CDKN2B-AS1: variants seen among roughly 807,000 people sequenced by gnomAD.
CDKN2B-AS1 encodes CDKN2B and CDKN2A antisense cis and trans regulatory RNA 1, also known as CDKN2B antisense RNA 1 (non-protein coding).
chr9:22,107,676 A>G (rs1344349392), intron 4 of CDKN2B-AS1, among the ~76,000 whole-genome samples: 1 of 152,182 alleles, frequency 6.6e-6, no homozygotes, highest in Non-Finnish European at 1.5e-5. Context: ...CAGCACTGCA[A>G]CCATACATAC....
intron 1 of CDKN2B-AS1, among the ~76,000 whole-genome samples, chr9:22,027,918 G>T (rs1344468470): frequency 6.6e-6 from 1 of 152,048 alleles, no homozygotes; most frequent in Non-Finnish European, 1.5e-5. Flanking sequence ...AATAAAAGAG[G>T]CTATGTTTTA....
intron 4 of CDKN2B-AS1, chr9:22,119,410 AT>A (rs1826041925): frequency 6.6e-6 from 1 of 152,150 alleles, no homozygotes; most frequent in African/African-American, 2.4e-5. Context: ...AGCAATGTAT[AT>A]TATGCTGACT....
intron 3 of CDKN2B-AS1, among the ~76,000 whole-genome samples, chr9:22,054,930 T>G (rs1268187214): frequency 6.6e-6 from 1 of 151,844 alleles, no homozygotes; most frequent in Non-Finnish European, 1.5e-5. Flanking sequence ...TTTTGTATTT[T>G]TAGTAGAGAT....
intron 2 of CDKN2B-AS1, among the ~76,000 whole-genome samples, chr9:22,048,530 A>T (rs985327882): frequency 6.6e-6 from 1 of 152,148 alleles, no homozygotes; most frequent in Admixed American, 6.6e-5. Context: ...ATATACGTAC[A>T]TACTTTTCTT....
Position 22,003,887 on chromosome 9 carries a change from TAA to T in CDKN2B-AS1, n.29+8732_29+8733del, listed in dbSNP as rs890483419. 21 of 232,320 alleles carry T rather than the reference TAA, an allele frequency of 9.0e-5. No homozygotes were observed. In the East Asian group the frequency reaches 1.0e-3, roughly 11 times the overall value. The allele number at this position is 232,320 out of a possible 1,614,324, so 14.4% of individuals were successfully genotyped here. On this transcript the variant is annotated intron_variant and non_coding_transcript_variant, in intron 1 of 4. Coordinates refer to ENST00000650946, the Ensembl canonical transcript of CDKN2B-AS1. ...ATCATTGTGTATTTCTGCTTTTTTT[TAA>T]AAAAAGTTATCTTCATGTGTATCAT...
intron 1 of CDKN2B-AS1, among the ~76,000 whole-genome samples, chr9:22,033,408 A>G (rs1041612222): frequency 2.6e-5 from 4 of 152,178 alleles, no homozygotes; most frequent in Admixed American, 2.0e-4. Context: ...TATGCCAGCA[A>G]AATTTAATAA....
chr9:22,092,800 G>A (rs181460896), intron 4 of CDKN2B-AS1, among the ~76,000 whole-genome samples: 303 of 152,098 alleles, frequency 2.0e-3, no homozygotes, highest in Non-Finnish European at 3.7e-3. Flanking sequence ...TTTTTTTGGA[G>A]GGTTTTTTGT....
At chr9:22,081,857 A>G (rs780860346) in intron 4 of CDKN2B-AS1, among the ~76,000 whole-genome samples, 1 of 152,200 alleles carries the variant, frequency 6.6e-6, no homozygotes, top group Non-Finnish European at 1.5e-5. Context: ...AAAGCTGGCT[A>G]TCATCATCAT....
At chr9:22,103,389 A>G (rs1389089000) in intron 4 of CDKN2B-AS1, among the ~76,000 whole-genome samples, 1 of 152,106 alleles carries the variant, frequency 6.6e-6, no homozygotes, top group African/African-American at 2.4e-5. Flanking sequence ...GGCTAACCCA[A>G]AAAGCTTTGC....
At chr9:22,047,332 C>T (rs1823149816) in intron 2 of CDKN2B-AS1, among the ~76,000 whole-genome samples, 1 of 152,104 alleles carries the variant, frequency 6.6e-6, no homozygotes, top group African/African-American at 2.4e-5. Context: ...ATATTTCATC[C>T]TCACAAGTTT....
At chr9:22,096,137 C>G (rs936217379) in intron 4 of CDKN2B-AS1, among the ~76,000 whole-genome samples, 2 of 152,078 alleles carry the variant, frequency 1.3e-5, no homozygotes, top group Non-Finnish European at 2.9e-5. Context: ...GTAAGGCAAA[C>G]AATACAGTGC....
intron 4 of CDKN2B-AS1, among the ~76,000 whole-genome samples, chr9:22,068,359 A>G (rs1014441193): frequency 2.1e-4 from 32 of 152,316 alleles, no homozygotes; most frequent in African/African-American, 7.7e-4. Flanking sequence ...ATGCAAGGGA[A>G]TATAATCTAA....
chr9:22,012,480 A>T (rs1587396678), intron 1 of CDKN2B-AS1: 1 of 687,978 alleles, frequency 1.5e-6, no homozygotes, highest in East Asian at 2.9e-5. Flanking sequence ...TATGCTGTCA[A>T]TTGCCGCAAG....
chr9:22,126,628 A>C (rs1208710054), intron 4 of CDKN2B-AS1, among the ~76,000 whole-genome samples: 9 of 131,100 alleles, frequency 6.9e-5, no homozygotes, highest in African/African-American at 2.7e-4. Context: ...GGCCGACTGC[A>C]GTGGCGCTAT....
chr9:22,069,677 A>T (rs1400269285), intron 4 of CDKN2B-AS1, among the ~76,000 whole-genome samples: 2 of 152,150 alleles, frequency 1.3e-5, no homozygotes, highest in East Asian at 3.9e-4. Flanking sequence ...GAACATTCAA[A>T]AGCCTCTCTT....
intron 3 of CDKN2B-AS1, among the ~76,000 whole-genome samples, chr9:22,051,591 A>T (rs902486253): frequency 6.6e-6 from 1 of 152,128 alleles, no homozygotes; most frequent in African/African-American, 2.4e-5. Flanking sequence ...CCAAATTTGC[A>T]ATTTGGCAGC....
Position 21,995,696 on chromosome 9 carries a change from A to G in CDKN2B-AS1, n.29+535A>G. On this transcript the variant is annotated intron_variant and non_coding_transcript_variant, in intron 1 of 4. Coordinates refer to ENST00000650946, the Ensembl canonical transcript of CDKN2B-AS1. This position sits in a 1 kb window ranked among gnomAD's most constrained non-coding sequence, Gnocchi z 5.7. ...GAAAGGAGGGGTGAGTCGAGGACAC[A>G]GGGGCAGCCGGAGAATGCGGAGGAG... is the stretch of plus-strand genomic sequence containing the variant. The G allele has an allele frequency of 6.6e-6, 1 of 152,640 alleles. No homozygotes were observed. The highest frequency in any genetic ancestry group is 1.5e-5 in the Non-Finnish European group (1 of 68,264). 9.5% of individuals were successfully genotyped at this position (152,640 alleles called of 1,614,324 possible).
chr9:22,100,699 G>T (rs1193224429), intron 4 of CDKN2B-AS1, among the ~76,000 whole-genome samples: 1 of 152,164 alleles, frequency 6.6e-6, no homozygotes, highest in African/African-American at 2.4e-5. Flanking sequence ...ATGTTGTATG[G>T]AAAATTAATG....
chr9:22,050,136 A>G (rs182087220), intron 3 of CDKN2B-AS1, among the ~76,000 whole-genome samples: 45 of 152,348 alleles, frequency 3.0e-4, no homozygotes, highest in Middle Eastern at 6.8e-3. Context: ...TATACTGTAC[A>G]CATACATGCA....
Sources: gnomAD v4.1 joint callset for allele counts (sites outside exome capture counted in the v4.1 genomes callset) on GRCh38, gnomAD v4.1.1 for gene constraint, Gnocchi (gnomAD v3.1) non-coding constraint, MANE v1.5 for transcripts, NCBI Gene and HGNC (gene_info 2026-07-23, HGNC 2026-07-21) for gene names.